MACF1: variants seen among roughly 807,000 people sequenced by gnomAD.
MACF1 encodes the protein microtubule-actin cross-linking factor 1.
MACF1 carries 193 observed loss-of-function variants against 854.8 expected under a neutral mutation model. The observed-to-expected ratio is 0.23, with a 90% CI of 0.20 to 0.25. The LOEUF (loss-of-function observed/expected upper bound fraction) is 0.25. Among genes scored for constraint, MACF1 ranks in the 10% least tolerant of loss-of-function variants. The pLI, the probability that MACF1 is intolerant of heterozygous loss-of-function variation, is 1.00. For synonymous variants in MACF1, 3,185 were observed against 3,226.7 expected, an observed-to-expected ratio of 0.99 and a Z score of 0.44; for missense variants, 7,722 against 8,929.1, an observed-to-expected ratio of 0.86 and a Z score of 5.45.
intron 2 of MACF1, among the ~76,000 whole-genome samples, chr1:39,186,457 C>G (rs535505166): frequency 1.3e-5 from 2 of 151,692 alleles, no homozygotes; most frequent in Non-Finnish European, 2.9e-5. Flanking sequence ...TAGGGGCTCA[C>G]CTATAGGATA....
chr1:39,242,930 A>G (rs2148324369), intron 2 of MACF1, among the ~76,000 whole-genome samples: 1 of 152,154 alleles, frequency 6.6e-6, no homozygotes, highest in African/African-American at 2.4e-5. Flanking sequence ...TTTTGTCTGG[A>G]CGTATGTTTT....
At chr1:39,138,132 A>G (rs1643230881) in intron 2 of MACF1, among the ~76,000 whole-genome samples, 1 of 151,686 alleles carries the variant, frequency 6.6e-6, no homozygotes, top group African/African-American at 2.4e-5. Flanking sequence ...TTTCTATTTC[A>G]ACAAATTTGT....
intron 2 of MACF1, among the ~76,000 whole-genome samples, chr1:39,190,231 G>A (rs966393656): frequency 1.3e-5 from 2 of 151,914 alleles, no homozygotes; most frequent in Non-Finnish European, 2.9e-5. Context: ...AATTAGGTAT[G>A]CCATAGGTAA....
At chr1:39,172,450 C>T (rs990000601) in intron 2 of MACF1, among the ~76,000 whole-genome samples, 5 of 152,202 alleles carry the variant, frequency 3.3e-5, no homozygotes, top group African/African-American at 1.2e-4. Flanking sequence ...CTGGGCCTTT[C>T]ATACCTGCCT....
chr1:39,311,167 A>G (rs531200156), intron 26 of MACF1, among the ~76,000 whole-genome samples, 167 bp downstream of exon 26: 2 of 152,352 alleles, frequency 1.3e-5, no homozygotes, highest in Admixed American at 1.3e-4. Flanking sequence ...GAGAAGTGTG[A>G]TTTCAGCTCC....
intron 98 of MACF1, 56 bp from the exon 99 acceptor site, chr1:39,480,864 C>G: frequency 1.1e-6 from 1 of 920,708 alleles, no homozygotes; most frequent in Non-Finnish European, 1.7e-6. Context: ...AATGTGCACC[C>G]TTTTTGTTCC....
At chr1:39,160,549 T>C (rs560167510) in intron 2 of MACF1, among the ~76,000 whole-genome samples, 10 of 152,348 alleles carry the variant, frequency 6.6e-5, no homozygotes, top group African/African-American at 2.2e-4. Flanking sequence ...CTTTATAGCA[T>C]AAAACATACA....
At chr1:39,299,313 GCATTTCCTAA>G in intron 21 of MACF1, 1 of 455,708 alleles carries the variant, frequency 2.2e-6, no homozygotes, top group South Asian at 1.5e-5. Flanking sequence ...TTCTTTAATG[GCATTTCCTAA>G]CATTATTAAC....
chr1:39,346,521 CTTT>C (rs527394465), intron 40 of MACF1, among the ~76,000 whole-genome samples: 2 of 137,984 alleles, frequency 1.4e-5, no homozygotes, highest in Admixed American at 7.3e-5. Flanking sequence ...GTGAGAGAGA[CTTT>C]TTTTTTTTTT....
intron 2 of MACF1, among the ~76,000 whole-genome samples, chr1:39,152,220 A>G (rs1307546533): frequency 6.6e-6 from 1 of 152,078 alleles, no homozygotes; most frequent in East Asian, 1.9e-4. Flanking sequence ...TGATCCGCCC[A>G]CCTTGGCCTC....
At chr1:39,264,503 A>G (rs1477659774) in intron 6 of MACF1, among the ~76,000 whole-genome samples, 1 of 152,166 alleles carries the variant, frequency 6.6e-6, no homozygotes, top group Non-Finnish European at 1.5e-5. Context: ...TTATTAAATG[A>G]ATGGATTGTT....
At chr1:39,380,107 A>G (rs1343141702) in intron 54 of MACF1, 137 bp from the exon 55 acceptor site, 13 of 777,850 alleles carry the variant, frequency 1.7e-5, no homozygotes, top group Non-Finnish European at 2.7e-5. Context: ...TAAGTATCTT[A>G]ACACCACTAA....
chr1:39,246,950 G>A (rs1438936625), intron 2 of MACF1, among the ~76,000 whole-genome samples: 1 of 150,342 alleles, frequency 6.7e-6, no homozygotes, highest in Non-Finnish European at 1.5e-5. Context: ...TGCCCAAGCT[G>A]GAGTGCAATG....
At chr1:39,102,573 C>A (rs1292344978) in intron 2 of MACF1, 2 of 602,652 alleles carry the variant, frequency 3.3e-6, no homozygotes, top group East Asian at 2.7e-5. Flanking sequence ...CGAGATAACA[C>A]ATTAGAGGCG....
intron 25 of MACF1, 55 bp downstream of exon 25, chr1:39,310,483 G>A (rs1646278079): frequency 4.6e-6 from 7 of 1,536,438 alleles, no homozygotes; most frequent in Non-Finnish European, 6.2e-6. Flanking sequence ...CTTTCAAGGG[G>A]TTGCTGTGAA....
chr1:39,317,546 C>A, intron 29 of MACF1, 139 bp downstream of exon 29: 1 of 965,988 alleles, frequency 1.0e-6, no homozygotes, highest in Non-Finnish European at 1.5e-6. Context: ...CACATAAATT[C>A]TGGACAAGTA....
At chr1:39,306,549 G>A (rs191479283) in intron 23 of MACF1, among the ~76,000 whole-genome samples, 4 of 151,254 alleles carry the variant, frequency 2.6e-5, no homozygotes, top group Admixed American at 2.6e-4. Context: ...TCCCAATATG[G>A]CCAAACACCA....
chr1:39,258,638 A>G (rs920473344), intron 6 of MACF1, among the ~76,000 whole-genome samples: 1 of 152,176 alleles, frequency 6.6e-6, no homozygotes, highest in South Asian at 2.1e-4. Context: ...GTACAGCCCT[A>G]TTTTTATAAA....
At chr1:39,086,215 G>A (rs1641670842) in intron 2 of MACF1, among the ~76,000 whole-genome samples, 1 of 152,170 alleles carries the variant, frequency 6.6e-6, no homozygotes, top group African/African-American at 2.4e-5. Context: ...GATATTATGT[G>A]ATGTGACAGA....
Sources: allele counts gnomAD v4.1 joint callset (sites outside exome capture counted in the v4.1 genomes callset), GRCh38; gene constraint gnomAD v4.1.1; transcripts MANE v1.5; gene names NCBI Gene and HGNC (gene_info 2026-07-23, HGNC 2026-07-21).